The following PTH1R variants were observed in gnomAD, a reference collection of about 807,000 sequenced individuals.
PTH1R encodes the protein parathyroid hormone 1 receptor.
A neutral mutation model predicts 70.7 loss-of-function variants in PTH1R; 32 were observed. The observed-to-expected ratio is 0.45, with a 90% CI of 0.34 to 0.61. The LOEUF is 0.61. Among genes scored for constraint, PTH1R ranks in the 20% least tolerant of loss-of-function variants. PTH1R has a pLI of 0.01. For synonymous variants in PTH1R, 329 were observed against 324.8 expected (o/e 1.01, Z -0.14); for missense variants, 626 against 792.5 (o/e 0.79, Z 2.52).
Position 46,891,581 on chromosome 3 carries a change from CAGA to C in PTH1R, c.76-2317_76-2315del, listed in dbSNP as rs768413475. On this transcript the variant is annotated intron_variant, in intron 3 of 15. Transcript: ENST00000449590. The surrounding 1 kb of genome is among the most constrained non-coding windows in gnomAD (Gnocchi z 4.3). The stretch of plus-strand genomic sequence containing the variant: ...TTTGTCTTGAGAGGGGTGGAGGTGG[CAGA>C]AGAAGAAGGATAGTGGGGAGGGGGT... Among the ~76,000 whole-genome samples the C allele has an allele frequency of 3.6e-4, 54 of 152,070 alleles. No homozygotes were observed. Among genetic ancestry groups the C allele is most frequent in the Non-Finnish European group, 6.3e-4 (43 of 68,012 alleles).
chr3:46,902,713 G>T lies in PTH1R; in HGVS notation c.1354-36G>T. On this transcript the variant is annotated intron_variant, in intron 14 of 15. Transcript: ENST00000449590. The surrounding 1 kb of genome is among the most constrained non-coding windows in gnomAD (Gnocchi z 5.4). ...CCTGGCTGAGGGTGGGAGGGGTTCC[G>T]GGGGCAGGCCTGATTCGAGACACCC... 1 of 1,614,008 alleles carries T rather than the reference G, an allele frequency of 6.2e-7. No individual in the cohort carries two copies.
In PTH1R at chr3:46,897,937, G is replaced by T; in HGVS notation, c.396G>T (p.Pro132=). The stretch of plus-strand genomic sequence containing the variant: ...GTGAGGTGGTGGCTGTGCCCTGTCC[G>T]GACTACATTTATGACTTCAATCACA... ...APGEVVAVPC[P]DYIYDFNHKG... The change falls in exon 6 of 16, where the codon CCG becomes CCT. Residue 132 remains proline (P), a synonymous_variant. Transcript: ENST00000449590. The T allele has an allele frequency of 6.2e-7, 1 of 1,614,106 alleles. No individual in the cohort carries two copies. Among genetic ancestry groups the T allele is most frequent in the Non-Finnish European group, 8.5e-7 (1 of 1,180,030 alleles).
At chr3:46,889,703 C>T (rs1467090585) in intron 3 of PTH1R, among the ~76,000 whole-genome samples, 1 of 152,130 alleles carries the variant, frequency 6.6e-6, no homozygotes, top group Non-Finnish European at 1.5e-5. Context: ...TAATCAGGAC[C>T]ATAGGAGGAG....
chr3:46,888,320 A>C lies in PTH1R; in HGVS notation c.75+4686A>C, dbSNP rs946644338. ...TTTTATATCACCTGCTCTTAAACAC[A>C]TTCACCTCAGCTCTTGAAACGGCTT... is the stretch of plus-strand genomic sequence containing the variant. On this transcript the variant is annotated intron_variant, in intron 3 of 15. Transcript: ENST00000449590. Among the ~76,000 whole-genome samples the C allele has an allele frequency of 7.9e-5, 12 of 152,356 alleles. 1 individual carries two copies. The Middle Eastern group carries it at 0.01, about 130-fold the overall frequency.
intron 3 of PTH1R, among the ~76,000 whole-genome samples, chr3:46,886,750 T>C (rs1244852106): frequency 6.6e-6 from 1 of 152,204 alleles, no homozygotes; most frequent in African/African-American, 2.4e-5. Flanking sequence ...GATTGTTTTC[T>C]TATTTCATCC....
rs1028432174 is a variant in PTH1R, at chr3:46,879,695, C to T, written c.-105-1367C>T. On this transcript the variant is annotated intron_variant, in intron 1 of 15. Coordinates refer to ENST00000449590, the MANE Select transcript of PTH1R (RefSeq NM_000316.3). This position sits in a 1 kb window ranked among gnomAD's most constrained non-coding sequence, Gnocchi z 4.7. ...CCAGGAGGTCAAGGCTGCTGTGAGC[C>T]ATGACCGTGCCACTGCACTCCAGCC... 2.0e-5 allele frequency among the ~76,000 whole-genome samples: 3 copies of T among 152,130 alleles called. No individual in the cohort carries two copies. Among genetic ancestry groups the T allele is most frequent in the Admixed American group, 1.3e-4 (2 of 15,278 alleles).
rs2031424788 is a variant in PTH1R, at chr3:46,891,746, T to C, written c.76-2161T>C. Among the ~76,000 whole-genome samples, 1 of 151,262 alleles carries C rather than the reference T, an allele frequency of 6.6e-6. No homozygotes were observed. Among genetic ancestry groups the C allele is most frequent in the African/African-American group, 2.4e-5 (1 of 41,304 alleles). On this transcript the variant is annotated intron_variant, in intron 3 of 15. Coordinates refer to ENST00000449590, the MANE Select transcript of PTH1R (RefSeq NM_000316.3). This position sits in a 1 kb window ranked among gnomAD's most constrained non-coding sequence, Gnocchi z 4.3. ...GGTGCTGGTGATGTACCAGTTGTGA[T>C]GGTGCAGATGGTGGTGATGGTGGTT...
At position 46,891,346 on chromosome 3, in the gene PTH1R, C is replaced by A. The variant is rs1229514626; in HGVS notation, c.76-2561C>A. Among the ~76,000 whole-genome samples, 1 of 152,206 alleles carries A rather than the reference C, an allele frequency of 6.6e-6. No homozygotes were observed. Among genetic ancestry groups the A allele is most frequent in the Non-Finnish European group, 1.5e-5 (1 of 68,042 alleles). ...AGTGAGGGGTGTGTTGGTCAGCTTT[C>A]GGTGGTCAGGCTGCCCAATGGCCAC... On this transcript the variant is annotated intron_variant, in intron 3 of 15. Coordinates refer to ENST00000449590, the MANE Select transcript of PTH1R (RefSeq NM_000316.3). The surrounding 1 kb of genome is among the most constrained non-coding windows in gnomAD (Gnocchi z 4.3).
chr3:46,889,088 G>T (rs1292761483), intron 3 of PTH1R, among the ~76,000 whole-genome samples: 2 of 152,250 alleles, frequency 1.3e-5, no homozygotes, highest in Non-Finnish European at 2.9e-5. Flanking sequence ...GACATCCAGG[G>T]GTGCCAGCAT....
chr3:46,894,384 A>G (rs187557627), intron 4 of PTH1R, among the ~76,000 whole-genome samples: 107 of 152,280 alleles, frequency 7.0e-4, no homozygotes, highest in South Asian at 3.1e-3. Context: ...GTGATCGCCC[A>G]GAACACAAGC....
chr3:46,895,818 T>C lies in PTH1R; in HGVS notation c.262T>C (p.Tyr88His). The C allele has an allele frequency of 6.2e-7, 1 of 1,614,070 alleles. No individual in the cohort carries two copies. Among genetic ancestry groups the C allele is most frequent in the South Asian group, 1.1e-5 (1 of 91,070 alleles). Residue 88 changes from tyrosine (Y) to histidine (H), a missense_variant, in exon 5 of 16, where the codon TAC becomes CAC. Physicochemically the swap from Tyr to His is moderately conservative, Grantham distance 83 (BLOSUM62 2). Transcript: ENST00000449590. Reference protein sequence around the residue: ...PRKDKASGKLYPESEEDKEAP... With the variant: ...PRKDKASGKLHPESEEDKEAP... ...GAAAGATAAGGCATCTGGGAAGCTCTACCCTGAGTCTGAGGAGGACAAGGA... is the reference window on the plus strand; with the variant it reads ...GAAAGATAAGGCATCTGGGAAGCTCCACCCTGAGTCTGAGGAGGACAAGGA...
intron 3 of PTH1R, among the ~76,000 whole-genome samples, chr3:46,889,174 G>T (rs2031233684): frequency 6.6e-6 from 1 of 152,196 alleles, no homozygotes; most frequent in Non-Finnish European, 1.5e-5. Context: ...GTTAGCCAGG[G>T]TTTTCTCCTT....
Position 46,901,359 on chromosome 3 carries a change from G to A in PTH1R, c.1050-55G>A. ...CCAGACCAAATCTGGGTCTCTGTGG[G>A]CAGTCTTAGGATGGGAACAGGAGGG... On this transcript the variant is annotated intron_variant, in intron 11 of 15. Transcript: ENST00000449590. The surrounding 1 kb of genome is among the most constrained non-coding windows in gnomAD (Gnocchi z 7.3). 1 of 1,545,106 alleles carries A rather than the reference G, an allele frequency of 6.5e-7. No homozygotes were observed. Among genetic ancestry groups the A allele is most frequent in the Non-Finnish European group, 8.8e-7 (1 of 1,141,302 alleles).
chr3:46,880,093 C>T (rs539646190), intron 1 of PTH1R, among the ~76,000 whole-genome samples: 3 of 152,296 alleles, frequency 2.0e-5, no homozygotes, highest in African/African-American at 7.2e-5. Flanking sequence ...CACTGAAGAA[C>T]CACAAGTGTT....
At position 46,901,776 on chromosome 3, in the gene PTH1R, T is replaced by A. The variant is rs1294557260; in HGVS notation, c.1127T>A (p.Ile376Asn). The change falls in exon 13 of 16, where the codon ATC becomes AAC. Residue 376 changes from isoleucine to asparagine, a missense_variant. Ile to Asn is a moderately radical substitution (Grantham distance 149, BLOSUM62 -3). Around this residue, in one of 3 missense-constraint regions of PTH1R, gnomAD observed 495 missense variants for 638.7 expected, o/e 0.77. Coordinates refer to ENST00000449590, the MANE Select transcript of PTH1R (RefSeq NM_000316.3). The surrounding 1 kb of genome is among the most constrained non-coding windows in gnomAD (Gnocchi z 7.3). ...CCCTCACTCCCACAGCTCAACTTCA[T>A]CCTCTTCATCAATATCGTCCGGGTG... is the stretch of plus-strand genomic sequence containing the variant. ...PILASIVLNF[I>N]LFINIVRVLA... 5.0e-6 allele frequency: 8 copies of A among 1,613,842 alleles called. No individual in the cohort carries two copies. The highest frequency in any genetic ancestry group is 1.7e-5 in the Admixed American group (1 of 60,002).
chr3:46,890,377 G>A (rs895460091), intron 3 of PTH1R, among the ~76,000 whole-genome samples: 4 of 152,156 alleles, frequency 2.6e-5, no homozygotes, highest in South Asian at 2.1e-4. Flanking sequence ...TGCACATGGC[G>A]GGGATGTGAC....
Position 46,891,991 on chromosome 3 carries a change from T to G in PTH1R, c.76-1916T>G, listed in dbSNP as rs953939510. On this transcript the variant is annotated intron_variant, in intron 3 of 15. Coordinates refer to ENST00000449590, the MANE Select transcript of PTH1R (RefSeq NM_000316.3). This position sits in a 1 kb window ranked among gnomAD's most constrained non-coding sequence, Gnocchi z 4.3. ...CCCCCTCACCAGCATGGATCCCCCA[T>G]GTCAGAGGCACAGGGAGAGCTTCAG... is the stretch of plus-strand genomic sequence containing the variant. Among the ~76,000 whole-genome samples the G allele has an allele frequency of 6.6e-6, 1 of 152,080 alleles. No individual in the cohort carries two copies. Among genetic ancestry groups the G allele is most frequent in the African/African-American group, 2.4e-5 (1 of 41,410 alleles).
At chr3:46,894,886 A>AC (rs1455883687) in intron 4 of PTH1R, among the ~76,000 whole-genome samples, 2 of 151,678 alleles carry the variant, frequency 1.3e-5, no homozygotes, top group East Asian at 3.9e-4. Flanking sequence ...ACATAGTGAG[A>AC]CCCCATCTCT....
Position 46,898,443 on chromosome 3 carries a change from C to G in PTH1R, c.609C>G (p.Thr203=). The change falls in exon 8 of 16, where the codon ACC becomes ACG. Residue 203 remains threonine (T), a synonymous_variant. Coordinates refer to ENST00000449590, the MANE Select transcript of PTH1R (RefSeq NM_000316.3). Reference sequence around the variant, plus strand: ...ACTCCGTGTCCCTGGCGTCCCTCACCGTAGCTGTGCTCATCCTGGCCTACT... The same window carrying G: ...ACTCCGTGTCCCTGGCGTCCCTCACGGTAGCTGTGCTCATCCTGGCCTACT... ...VGYSVSLASL[T]VAVLILAYFR... is the part of the protein sequence containing the mutation. 1 of 1,613,998 alleles carries G rather than the reference C, an allele frequency of 6.2e-7. No homozygotes were observed. Among genetic ancestry groups the G allele is most frequent in the Non-Finnish European group, 8.5e-7 (1 of 1,179,984 alleles).
Sources: gnomAD v4.1 joint callset for allele counts (sites outside exome capture counted in the v4.1 genomes callset) on GRCh38, gnomAD v4.1.1 for gene constraint, gnomAD v4.1.1 regional missense constraint, Gnocchi (gnomAD v3.1) non-coding constraint, MANE v1.5 for transcripts, NCBI Gene and HGNC (gene_info 2026-07-23, HGNC 2026-07-21) for gene names.